The following TRAP1 variants were observed in gnomAD, a reference collection of about 807,000 sequenced individuals.
TRAP1 encodes the protein heat shock protein 75 kDa, mitochondrial.
A neutral mutation model predicts 89.1 loss-of-function variants in TRAP1; 102 were observed. That is an observed-to-expected ratio of 1.15 (90% CI 0.98 to 1.35). TRAP1 has a LOEUF of 1.35. TRAP1 is among the 40% of genes most tolerant of loss of function. The pLI is 0.00. For missense variants in TRAP1, 1,256 were observed against 945.3 expected (o/e 1.33, Z -4.31); for synonymous variants, 508 against 388.0 (o/e 1.31, Z -3.64).
intron 1 of TRAP1, among the ~76,000 whole-genome samples, chr16:3,691,545 C>A (rs1473924690): frequency 6.6e-6 from 1 of 152,122 alleles, no homozygotes; most frequent in Non-Finnish European, 1.5e-5. Context: ...GACAGCACTT[C>A]CCACATTCGC....
At chr16:3,677,113 T>C (rs1036210831) in intron 6 of TRAP1, among the ~76,000 whole-genome samples, 1 of 147,692 alleles carries the variant, frequency 6.8e-6, no homozygotes, top group African/African-American at 2.5e-5. Context: ...GAGGCAGAAG[T>C]GGGCTGGGGA....
At chr16:3,704,387 G>A (rs565878976) in intron 1 of TRAP1, 1 of 152,176 alleles carries the variant, frequency 6.6e-6, no homozygotes, top group East Asian at 1.9e-4. Context: ...AAAAACTTAC[G>A]AGAAACATAA....
At chr16:3,706,759 C>A (rs984421831) in intron 1 of TRAP1, among the ~76,000 whole-genome samples, 5 of 152,102 alleles carry the variant, frequency 3.3e-5, no homozygotes, top group Non-Finnish European at 5.9e-5. Context: ...CCGCACCCAG[C>A]CTCGTTTCCA....
At chr16:3,703,043 G>GAAAAAAAAAAAAA (rs36093237) in intron 1 of TRAP1, among the ~76,000 whole-genome samples, 4 of 43,494 alleles carry the variant, frequency 9.2e-5, no homozygotes, top group African/African-American at 2.7e-4. Context: ...ACTCCGTCTT[G>GAAAAAAAAAAAAA]AAAAAAAAAA....
At position 3,689,128 on chromosome 16, in the gene TRAP1, G is replaced by A. The variant is rs747228917; in HGVS notation, c.257C>T (p.Ser86Phe). The A allele has an allele frequency of 6.2e-6, 10 of 1,613,490 alleles. No homozygotes were observed. Among genetic ancestry groups the A allele is most frequent in the Non-Finnish European group, 8.5e-6 (10 of 1,179,800 alleles). The change falls in exon 3 of 18, where the codon TCC becomes TTC. Residue 86 changes from serine (S) to phenylalanine (F), a missense_variant. By Grantham distance (155) the Ser-to-Phe change is radical (BLOSUM62 -2). Coordinates refer to ENST00000246957, the MANE Select transcript of TRAP1 (RefSeq NM_016292.3). ...SSTESVQGST[S>F]KHEFQAETKK... ...TGTCTCGGCCTGGAACTCATGTTTGGAAGTGGAACCTAGTAATGAAACACA... is the reference window on the plus strand; with the variant it reads ...TGTCTCGGCCTGGAACTCATGTTTGAAAGTGGAACCTAGTAATGAAACACA...
At chr16:3,703,869 G>A (rs548490609) in intron 1 of TRAP1, among the ~76,000 whole-genome samples, 1 of 151,542 alleles carries the variant, frequency 6.6e-6, no homozygotes, top group Non-Finnish European at 1.5e-5. Flanking sequence ...CAAAAAATTA[G>A]CCGGGCGTGG....
At chr16:3,708,348 T>G (rs2051479329) in intron 1 of TRAP1, among the ~76,000 whole-genome samples, 1 of 151,810 alleles carries the variant, frequency 6.6e-6, no homozygotes, top group African/African-American at 2.4e-5. Flanking sequence ...AAACAAAAAT[T>G]AGCCAGAAAG....
chr16:3,659,470 C>T (rs986070131), intron 16 of TRAP1: 1 of 152,138 alleles, frequency 6.6e-6, no homozygotes, highest in African/African-American at 2.4e-5. Flanking sequence ...AAAGCCTTTC[C>T]AAGCAAAACC....
In TRAP1 at chr16:3,673,635, T is replaced by A. The variant is rs111583929; in HGVS notation, c.1044+704A>T. 3.8e-3 allele frequency among the ~76,000 whole-genome samples: 578 copies of A among 152,132 alleles called. 3 individuals are homozygous for A. Among genetic ancestry groups the A allele is most frequent in the African/African-American group, 0.013 (550 of 41,454 alleles). On this transcript the variant is annotated intron_variant, in intron 9 of 17. Transcript: ENST00000246957. ...AGGAGCCCTGGGTGGGGCCTGAGAC[T>A]CTAACAAGCCCCTGGAGGCCACACC...
Position 3,686,091 on chromosome 16 carries a change from T to C in TRAP1, c.376A>G (p.Lys126Glu). Residue 126 changes from lysine (K) to glutamate (E), a missense_variant, in exon 4 of 18, where the codon AAA becomes GAA. Lys to Glu is a moderately conservative substitution (Grantham distance 56). Coordinates refer to ENST00000246957, the MANE Select transcript of TRAP1 (RefSeq NM_016292.3). ...LISNASDALEKLRHKLVSDGQ... is the reference protein window; with the variant it reads ...LISNASDALEELRHKLVSDGQ... The stretch of plus-strand genomic sequence containing the variant: ...TCAGACACCAGTTTGTGACGCAGTT[T>C]TTCCAAGGCATCGCTGGCATTGGAG... The C allele has an allele frequency of 1.9e-6, 3 of 1,614,096 alleles. No individual in the cohort carries two copies. The highest frequency in any genetic ancestry group is 2.5e-6 in the Non-Finnish European group (3 of 1,180,020).
At chr16:3,664,675 C>T in intron 12 of TRAP1, 1 of 550,262 alleles carries the variant, frequency 1.8e-6, no homozygotes, top group Non-Finnish European at 3.1e-6. Flanking sequence ...GGAAGCACCT[C>T]CTGCCCCAGG....
chr16:3,705,018 G>GTGGTTT (rs1235619053), intron 1 of TRAP1, among the ~76,000 whole-genome samples: 1 of 152,146 alleles, frequency 6.6e-6, no homozygotes, highest in Non-Finnish European at 1.5e-5. Flanking sequence ...GCACAATTCA[G>GTGGTTT]TGGTTTTAGT....
intron 1 of TRAP1, among the ~76,000 whole-genome samples, chr16:3,693,995 T>G (rs1463812045): frequency 1.1e-4 from 8 of 73,024 alleles, no homozygotes; most frequent in African/African-American, 1.7e-4. Flanking sequence ...AGCGAGACTC[T>G]GTCTCAAAAA....
chr16:3,701,565 A>AC (rs2051365709), intron 1 of TRAP1, among the ~76,000 whole-genome samples: 1 of 151,800 alleles, frequency 6.6e-6, no homozygotes, highest in Non-Finnish European at 1.5e-5. Context: ...AAAAAAAAAA[A>AC]AAATAGCCAG....
chr16:3,685,146 C>T (rs2051121911), intron 4 of TRAP1, among the ~76,000 whole-genome samples: 1 of 152,164 alleles, frequency 6.6e-6, no homozygotes. Context: ...CAGCCCTGCC[C>T]ACAGGGCCCA....
In TRAP1 at chr16:3,693,762, G is replaced by A. The variant is rs368115105; in HGVS notation, c.89-2777C>T. ...AATCCCAGCACTTTGGGAGGCCAAGGCAGGAGAATCGCTTGAGCCCAGGGG... is the reference window on the plus strand; with the variant it reads ...AATCCCAGCACTTTGGGAGGCCAAGACAGGAGAATCGCTTGAGCCCAGGGG... On this transcript the variant is annotated intron_variant, in intron 1 of 17. Coordinates refer to ENST00000246957, the MANE Select transcript of TRAP1 (RefSeq NM_016292.3). Among the ~76,000 whole-genome samples the A allele has an allele frequency of 5.9e-5, 9 of 152,234 alleles. No homozygotes were observed. The East Asian group carries it at 1.5e-3, about 26-fold the overall frequency.
rs756506626 is a variant in TRAP1, at chr16:3,662,076, A to G, written c.1851T>C (p.Ala617=). ...GCTGCATGCGCAGGAAGTGGCGGGC[A>G]GCCCCCATCTCCAGCACGGTGACCA... is the stretch of plus-strand genomic sequence containing the variant. ...PAMVTVLEMG[A]ARHFLRMQQL... Residue 617 remains alanine, a synonymous_variant, in exon 16 of 18, where the codon GCT becomes GCC. Transcript: ENST00000246957. 2 of 1,613,258 alleles carry G rather than the reference A, an allele frequency of 1.2e-6. No individual in the cohort carries two copies. The highest frequency in any genetic ancestry group is 1.7e-6 in the Non-Finnish European group (2 of 1,179,920).
In TRAP1 at chr16:3,672,783, G is replaced by A; in HGVS notation, c.1082C>T (p.Ser361Phe). 6.2e-7 allele frequency: 1 copy of A among 1,612,948 alleles called. No homozygotes were observed. The change falls in exon 10 of 18, where the codon TCC becomes TTC. Residue 361 changes from serine (S) to phenylalanine (F), a missense_variant. By Grantham distance (155) the Ser-to-Phe change is radical. Coordinates refer to ENST00000246957, the MANE Select transcript of TRAP1 (RefSeq NM_016292.3). ...TTTGCGGCTGTACAGTGCAACGCTG[G>A]AGCCCAGCTCCCGGCTCACATCAAA... ...SMFDVSRELGSSVALYSRKVL... is the reference protein window; with the variant it reads ...SMFDVSRELGFSVALYSRKVL...
rs1043447826 is a variant in TRAP1 at position 3,682,442 on chromosome 16, T to G, written c.472-2652A>C. On this transcript the variant is annotated intron_variant, in intron 4 of 17. Transcript: ENST00000246957. ...TGTCACGCAGGCTAGAGTGCTGGAG[T>G]GCAGTGGTGTGATCTCCGCTCACTG... Among the ~76,000 whole-genome samples the G allele has an allele frequency of 2.7e-5, 4 of 149,884 alleles. No homozygotes were observed. In the South Asian group the frequency reaches 6.3e-4, roughly 24 times the overall value.
Sources: gnomAD v4.1 joint callset for allele counts (sites outside exome capture counted in the v4.1 genomes callset) on GRCh38, gnomAD v4.1.1 for gene constraint, MANE v1.5 for transcripts, NCBI Gene and HGNC (gene_info 2026-07-23, HGNC 2026-07-21) for gene names.